Variants in DLG2 observed in about 807,000 individuals in gnomAD.
DLG2 encodes the protein discs large MAGUK scaffold protein 2, also known as disks large homolog 2.
In DLG2, 45 loss-of-function variants were observed where a neutral mutation model predicts 132.5. That is an observed-to-expected ratio of 0.34 (90% confidence interval 0.27 to 0.44). The LOEUF (loss-of-function observed/expected upper bound fraction) is 0.44. DLG2 is among the 20% of genes least tolerant of loss of function. The pLI is 1.00. For synonymous variants in DLG2, 424 were observed against 419.6 expected, an observed-to-expected ratio of 1.01 and a Z score of -0.13; for missense variants, 1,045 against 1,196.9, an observed-to-expected ratio of 0.87 and a Z score of 1.87.
At chr11:83,747,326 TCCTG>T (rs748034140) in intron 18 of DLG2, among the ~76,000 whole-genome samples, 1,001 of 96,568 alleles carry the variant, frequency 0.01, 8 homozygotes, top group African/African-American at 0.033. Context: ...CTTCCTTCCT[TCCTG>T]CCTTCCTTCC....
intron 3 of DLG2, among the ~76,000 whole-genome samples, chr11:85,344,472 A>G (rs2082698312): frequency 6.6e-6 from 1 of 152,208 alleles, no homozygotes; most frequent in African/African-American, 2.4e-5. Flanking sequence ...AATAGAATTT[A>G]TATGATAACT....
chr11:85,275,870 A>G (rs571030585), intron 4 of DLG2, among the ~76,000 whole-genome samples: 1 of 152,202 alleles, frequency 6.6e-6, no homozygotes, highest in Admixed American at 6.5e-5. Context: ...CATGCTTACA[A>G]TAACTATAAC....
At chr11:84,802,830 T>C (rs1053787593) in intron 6 of DLG2, among the ~76,000 whole-genome samples, 1 of 152,050 alleles carries the variant, frequency 6.6e-6, no homozygotes, top group Non-Finnish European at 1.5e-5. Context: ...AGGCAGAGCC[T>C]AGCTGTGTCA....
At chr11:83,597,249 T>C (rs896267813) in intron 19 of DLG2, among the ~76,000 whole-genome samples, 5 of 152,166 alleles carry the variant, frequency 3.3e-5, no homozygotes, top group African/African-American at 1.2e-4. Flanking sequence ...AGTAGCAGGA[T>C]CATGAGCTAT....
intron 17 of DLG2, 122 bp downstream of exon 17, chr11:83,833,492 G>A: frequency 5.8e-6 from 6 of 1,043,096 alleles, no homozygotes; most frequent in East Asian, 2.4e-5. Context: ...ACCAGAAGTC[G>A]TGATGCTCTC....
At chr11:85,569,994 G>C (rs140097125) in intron 3 of DLG2, among the ~76,000 whole-genome samples, 1 of 152,292 alleles carries the variant, frequency 6.6e-6, no homozygotes, top group East Asian at 1.9e-4. Flanking sequence ...ACTACTAGAG[G>C]GAAGAGGGGG....
intron 7 of DLG2, among the ~76,000 whole-genome samples, chr11:84,459,754 T>A (rs966050088): frequency 1.0e-4 from 15 of 150,690 alleles, no homozygotes; most frequent in Admixed American, 9.3e-4. Context: ...TTCCATTTTT[T>A]GAAGTAGTTA....
chr11:85,160,467 C>A (rs2077939987), intron 4 of DLG2, among the ~76,000 whole-genome samples: 1 of 152,170 alleles, frequency 6.6e-6, no homozygotes, highest in African/African-American at 2.4e-5. Flanking sequence ...TGAGAAACAG[C>A]TCTTGGCCTG....
intron 7 of DLG2, among the ~76,000 whole-genome samples, chr11:84,296,389 G>A (rs2098088990): frequency 6.6e-6 from 1 of 152,148 alleles, no homozygotes. Context: ...CTTCACGTTT[G>A]GAGGAGTTGT....
chr11:84,152,607 C>T (rs1228798072), intron 9 of DLG2, among the ~76,000 whole-genome samples: 6 of 151,934 alleles, frequency 3.9e-5, no homozygotes, highest in African/African-American at 1.5e-4. Flanking sequence ...AGGATGGTCT[C>T]GATCTCCTGA....
intron 7 of DLG2, chr11:84,317,129 G>A: frequency 6.2e-7 from 1 of 1,612,346 alleles, no homozygotes; most frequent in Non-Finnish European, 8.5e-7. Context: ...GTGTTGCTTG[G>A]TGAGGTATGC....
chr11:84,039,005 G>A (rs959993720), intron 11 of DLG2, among the ~76,000 whole-genome samples: 3 of 151,958 alleles, frequency 2.0e-5, no homozygotes, highest in African/African-American at 7.2e-5. Context: ...TGGGCATTAT[G>A]GGAACTACAA....
intron 19 of DLG2, among the ~76,000 whole-genome samples, chr11:83,590,334 T>C (rs1157322936): frequency 2.6e-5 from 4 of 152,142 alleles, no homozygotes; most frequent in African/African-American, 9.7e-5. Flanking sequence ...GGATGAAGAA[T>C]CTCACTCAAA....
intron 9 of DLG2, among the ~76,000 whole-genome samples, chr11:84,101,459 A>G (rs1053993257): frequency 6.6e-6 from 1 of 152,154 alleles, no homozygotes; most frequent in African/African-American, 2.4e-5. Flanking sequence ...TTCGTATGCA[A>G]CTGACTCTAA....
At chr11:84,002,727 T>C (rs1373113926) in intron 11 of DLG2, among the ~76,000 whole-genome samples, 1 of 152,146 alleles carries the variant, frequency 6.6e-6, no homozygotes, top group Non-Finnish European at 1.5e-5. Context: ...AGGTCTGTCA[T>C]GGGAGGGGTT....
At chr11:83,782,042 C>T (rs1810257817) in intron 18 of DLG2, among the ~76,000 whole-genome samples, 1 of 152,064 alleles carries the variant, frequency 6.6e-6, no homozygotes, top group African/African-American at 2.4e-5. Context: ...TATTTCAAAA[C>T]AACAGCTGTA....
At chr11:85,110,622 CACT>C in intron 6 of DLG2, among the ~76,000 whole-genome samples, 1 of 152,004 alleles carries the variant, frequency 6.6e-6, no homozygotes, top group Non-Finnish European at 1.5e-5. Context: ...AAGGTGATCC[CACT>C]TTCTCCCCCC....
At chr11:84,745,882 T>C (rs764376706) in intron 6 of DLG2, among the ~76,000 whole-genome samples, 4 of 152,160 alleles carry the variant, frequency 2.6e-5, no homozygotes, top group Non-Finnish European at 4.4e-5. Context: ...CAAAAATGAA[T>C]TGAAATATAA....
chr11:85,411,556 T>A lies in DLG2; in HGVS notation c.41-126191A>T, dbSNP rs80340776. Among the ~76,000 whole-genome samples the A allele has an allele frequency of 9.5e-3, 1,437 of 152,022 alleles. 17 individuals are homozygous for A. The highest frequency in any genetic ancestry group is 0.031 in the African/African-American group (1,297 of 41,510). On this transcript the variant is annotated intron_variant, in intron 3 of 27. Coordinates refer to ENST00000376104, the MANE Select transcript of DLG2 (RefSeq NM_001142699.3). ...TACCACTAATTTCTATTGTTTCACATCTGTAAAATATAGGTGTTGCAAATT... is the reference window on the plus strand; with the variant it reads ...TACCACTAATTTCTATTGTTTCACAACTGTAAAATATAGGTGTTGCAAATT...
Sources: gnomAD v4.1 joint callset for allele counts (sites outside exome capture counted in the v4.1 genomes callset) on GRCh38, gnomAD v4.1.1 for gene constraint, MANE v1.5 for transcripts, NCBI Gene and HGNC (gene_info 2026-07-23, HGNC 2026-07-21) for gene names.